Variants in DNAH11 observed in about 807,000 individuals in gnomAD.
DNAH11 encodes the protein axonemal beta dynein heavy chain 11.
In DNAH11, 442 loss-of-function variants were observed where a neutral mutation model predicts 526.0. The observed-to-expected ratio is 0.84, with a 90% CI of 0.78 to 0.91. The LOEUF is 0.91. DNAH11 is among the 40% of genes least tolerant of loss of function. DNAH11 has a pLI of 0.00. For missense variants in DNAH11, 6,989 were observed against 5,448.7 expected, an observed-to-expected ratio of 1.28 and a Z score of -8.90; for synonymous variants, 2,461 against 1,935.9, an observed-to-expected ratio of 1.27 and a Z score of -7.12.
chr7:21,666,804 A>ACTTTATACTTTATAAT (rs1345692971), intron 30 of DNAH11, among the ~76,000 whole-genome samples: 1 of 151,742 alleles, frequency 6.6e-6, no homozygotes, highest in Non-Finnish European at 1.5e-5. Flanking sequence ...ATAGCCTTAT[A>ACTTTATACTTTATAAT]CTTTATAATC....
chr7:21,725,277 G>A, intron 44 of DNAH11, among the ~76,000 whole-genome samples: 1 of 152,124 alleles, frequency 6.6e-6, no homozygotes, highest in East Asian at 1.9e-4. Flanking sequence ...CCCAGATTTA[G>A]AATTCCAGAG....
chr7:21,720,282 A>G lies in DNAH11; in HGVS notation c.7135-443A>G, dbSNP rs147282745. Among the ~76,000 whole-genome samples the G allele has an allele frequency of 4.4e-3, 669 of 152,328 alleles. 5 individuals carry two copies. The highest frequency in any genetic ancestry group is 0.015 in the African/African-American group (632 of 41,586). ...AGTAAAATAAATGCCTCTTCATCCA[A>G]TGGAATCCTCTGCATCCATTCCAGT... On this transcript the variant is annotated intron_variant, in intron 43 of 81. Coordinates refer to ENST00000409508, the MANE Select transcript of DNAH11 (RefSeq NM_001277115.2).
intron 20 of DNAH11, among the ~76,000 whole-genome samples, chr7:21,610,780 C>A (rs1381304780): frequency 6.6e-6 from 1 of 151,874 alleles, no homozygotes; most frequent in African/African-American, 2.4e-5. Flanking sequence ...TAGTGAAATA[C>A]AAATTACATT....
Position 21,900,099 on chromosome 7 carries a change from C to G in DNAH11, c.13282C>G (p.Leu4428Val), listed in dbSNP as rs376170464. Residue 4428 changes from leucine (L) to valine (V), a missense_variant, in exon 81 of 82, where the codon CTC (leucine) becomes GTC (valine). Transcript: ENST00000409508. ...ACACCCGCCAAGGGAAGGTGCATAC[C>G]TCCACGGACTCTTCATGGAGGGTAA... is the stretch of plus-strand genomic sequence containing the variant. ...YGHPPREGAY[L>V]HGLFMEGARW... 6.2e-7 allele frequency: 1 copy of G among 1,613,622 alleles called. No individual in the cohort carries two copies. The highest frequency in any genetic ancestry group is 1.1e-5 in the South Asian group (1 of 91,010).
intron 61 of DNAH11, among the ~76,000 whole-genome samples, chr7:21,796,028 G>A (rs1019738549): frequency 6.6e-6 from 1 of 152,140 alleles, no homozygotes; most frequent in African/African-American, 2.4e-5. Context: ...CAGTGTGTGG[G>A]GTCTCTTGTG....
intron 25 of DNAH11, among the ~76,000 whole-genome samples, chr7:21,633,233 A>G (rs1266602572): frequency 3.9e-5 from 6 of 152,212 alleles, no homozygotes; most frequent in African/African-American, 1.4e-4. Flanking sequence ...CTGGCCTAAC[A>G]TATGATCTGT....
Position 21,601,444 on chromosome 7 carries a change from G to C in DNAH11, c.3474G>C (p.Gln1158His), listed in dbSNP as rs574898096. ...TAAAGGAGACAGATTCCGGACTTCA[G>C]AGAGAATTAAATGAAGGTGATCATG... ...EFIKETDSGL[Q>H]RELNEGDHDG... The change falls in exon 18 of 82, where the codon CAG becomes CAC. Residue 1158 changes from glutamine to histidine, a missense_variant. Coordinates refer to ENST00000409508, the MANE Select transcript of DNAH11 (RefSeq NM_001277115.2). The C allele has an allele frequency of 3.7e-6, 6 of 1,613,662 alleles. No individual in the cohort carries two copies. In the African/African-American group the frequency reaches 5.3e-5, roughly 14 times the overall value.
chr7:21,691,299 G>T (rs1031551273), intron 35 of DNAH11, among the ~76,000 whole-genome samples: 1 of 151,490 alleles, frequency 6.6e-6, no homozygotes, highest in South Asian at 2.1e-4. Flanking sequence ...ACCTTGGCCA[G>T]TATTTGGTAG....
chr7:21,615,444 C>G (rs1249612723), intron 21 of DNAH11, among the ~76,000 whole-genome samples, 172 bp downstream of exon 21: 2 of 152,000 alleles, frequency 1.3e-5, no homozygotes, highest in East Asian at 1.9e-4. Context: ...GTGGATGATT[C>G]TTCTTTGAAT....
chr7:21,745,808 G>C (rs1231898023), intron 51 of DNAH11, among the ~76,000 whole-genome samples: 1 of 152,194 alleles, frequency 6.6e-6, no homozygotes, highest in African/African-American at 2.4e-5. Flanking sequence ...TTTCCAAAGA[G>C]GGACTGGGCA....
intron 49 of DNAH11, among the ~76,000 whole-genome samples, chr7:21,744,150 G>A (rs1194028698): frequency 6.6e-6 from 1 of 152,186 alleles, no homozygotes; most frequent in African/African-American, 2.4e-5. Context: ...TTAGTCCATT[G>A]TAAGGCTTAA....
At chr7:21,680,827 A>T (rs921850560) in intron 30 of DNAH11, among the ~76,000 whole-genome samples, 53 of 152,222 alleles carry the variant, frequency 3.5e-4, no homozygotes, top group African/African-American at 1.3e-3. Context: ...ACCAAAGCAA[A>T]CACAAATTGT....
intron 65 of DNAH11, among the ~76,000 whole-genome samples, chr7:21,833,998 A>G (rs1781890998): frequency 6.6e-6 from 1 of 152,202 alleles, no homozygotes; most frequent in Admixed American, 6.5e-5. Context: ...TCTAGACCAA[A>G]TGGACCTCAC....
At chr7:21,797,540 C>T (rs1788774439) in intron 61 of DNAH11, among the ~76,000 whole-genome samples, 1 of 148,644 alleles carries the variant, frequency 6.7e-6, no homozygotes, top group Non-Finnish European at 1.5e-5. Context: ...TTTTCTAGTA[C>T]ATGTACAGTT....
chr7:21,655,556 A>G (rs530141687), intron 28 of DNAH11, among the ~76,000 whole-genome samples: 18 of 152,294 alleles, frequency 1.2e-4, no homozygotes, highest in African/African-American at 4.3e-4. Context: ...TAGAGAAGTC[A>G]GTAAGCATCC....
chr7:21,702,920 G>T (rs1385121264), intron 37 of DNAH11, 118 bp downstream of exon 37: 30 of 863,432 alleles, frequency 3.5e-5, no homozygotes, highest in Middle Eastern at 2.2e-4. Context: ...CATAACATCT[G>T]TTGTTAATGC....
intron 45 of DNAH11, among the ~76,000 whole-genome samples, 165 bp downstream of exon 45, chr7:21,726,149 C>G (rs1022851231): frequency 2.0e-5 from 3 of 152,110 alleles, no homozygotes; most frequent in African/African-American, 7.2e-5. Flanking sequence ...GGGAAGGCCT[C>G]AGAAAATCAC....
chr7:21,868,813 C>G (rs1583792518), intron 72 of DNAH11, 51 bp from the exon 73 acceptor site: 1 of 1,610,694 alleles, frequency 6.2e-7, no homozygotes, highest in African/African-American at 1.3e-5. Context: ...CCAGGCTCCT[C>G]TCACCCTCCT....
intron 68 of DNAH11, among the ~76,000 whole-genome samples, chr7:21,856,848 G>A (rs986442373): frequency 1.6e-4 from 24 of 151,768 alleles, no homozygotes; most frequent in African/African-American, 5.8e-4. Context: ...ATGATAAAAT[G>A]CATCTAGAAA....
Sources: gnomAD v4.1 joint callset for allele counts (sites outside exome capture counted in the v4.1 genomes callset) on GRCh38, gnomAD v4.1.1 for gene constraint, MANE v1.5 for transcripts, NCBI Gene and HGNC (gene_info 2026-07-23, HGNC 2026-07-21) for gene names.